Variants in EPHB4 observed in about 807,000 individuals in gnomAD.
EPHB4 encodes the protein ephrin type-B receptor 4.
A neutral mutation model predicts 110.6 loss-of-function variants in EPHB4; 50 were observed. The ratio of observed to expected loss-of-function variants is 0.45; its 90% CI spans 0.36 to 0.57. The LOEUF (loss-of-function observed/expected upper bound fraction) is 0.57. Ranked by LOEUF, EPHB4 falls within the 20% of genes least tolerant of loss-of-function variation. The probability of loss-of-function intolerance (pLI) is 0.00; values close to 1 mark genes in which losing one functional copy is unlikely to be tolerated. For synonymous variants in EPHB4, 592 were observed against 578.4 expected, an observed-to-expected ratio of 1.02 and a Z score of -0.34; for missense variants, 1,128 against 1,382.1, an observed-to-expected ratio of 0.82 and a Z score of 2.91.
chr7:100,824,614 C>T (rs1321400184), intron 1 of EPHB4: 7 of 241,144 alleles, frequency 2.9e-5, no homozygotes, highest in East Asian at 9.6e-5. Flanking sequence ...CTGACCCCCA[C>T]GAGCAGAGGC....
Position 100,813,160 on chromosome 7 carries a change from G to T in EPHB4, c.1805C>A (p.Ala602Asp). 6.2e-7 allele frequency: 1 copy of T among 1,609,686 alleles called. No individual in the cohort carries two copies. The change falls in exon 11 of 17, where the codon GCT becomes GAT. Residue 602 changes from alanine to aspartate, a missense_variant. By Grantham distance (126) the Ala-to-Asp change is moderately radical. Transcript: ENST00000358173. ...GATCTCTTTTGCAAATTCCCTCACA[G>T]CCTCATTAGGGTCTTCATAAGTGAA... ...DPFTYEDPNE[A>D]VREFAKEIDV...
At chr7:100,817,128 G>A (rs900885053) in intron 8 of EPHB4, 64 bp downstream of exon 8, 12 of 1,392,288 alleles carry the variant, frequency 8.6e-6, no homozygotes, top group Middle Eastern at 2.0e-4. Flanking sequence ...TGGAGACCTG[G>A]GGTCTTCCCA....
intron 12 of EPHB4, among the ~76,000 whole-genome samples, chr7:100,811,116 G>C (rs928278615): frequency 4.6e-5 from 5 of 107,534 alleles, no homozygotes; most frequent in Non-Finnish European, 1.2e-4. Flanking sequence ...TGGGTATGGT[G>C]GTGCATGCCA....
At chr7:100,815,891 G>A (rs1813054705) in intron 8 of EPHB4, among the ~76,000 whole-genome samples, 1 of 152,204 alleles carries the variant, frequency 6.6e-6, no homozygotes, top group Non-Finnish European at 1.5e-5. Context: ...GGGAGGCTAA[G>A]GTGGAAGGAT....
chr7:100,803,885 C>T (rs777017637), intron 16 of EPHB4, among the ~76,000 whole-genome samples: 12 of 152,062 alleles, frequency 7.9e-5, no homozygotes, highest in Non-Finnish European at 1.6e-4. Flanking sequence ...GGGGAAGAGG[C>T]TGCACAGATT....
intron 12 of EPHB4, among the ~76,000 whole-genome samples, chr7:100,808,643 C>T (rs941734608): frequency 3.3e-5 from 5 of 152,156 alleles, no homozygotes; most frequent in African/African-American, 7.2e-5. Flanking sequence ...GACCAATGAT[C>T]GGTGCAAAAA....
In EPHB4 at chr7:100,827,004, C is replaced by A; in HGVS notation, c.27G>T (p.Trp9Cys). Residue 9 changes from tryptophan to cysteine, a missense_variant, in exon 1 of 17, where the codon TGG becomes TGT. Around this residue, in one of 3 missense-constraint regions of EPHB4, gnomAD observed 728 missense variants for 828.6 expected, o/e 0.88. Transcript: ENST00000358173. ...CTTCCAAAGCTGCGGCCAACGAAGC[C>A]CAGCAGAGCAGCACCCGGAGCTCCA... MELRVLLC[W>C]ASLAAALEET... 6.3e-7 allele frequency: 1 copy of A among 1,580,738 alleles called. No individual in the cohort carries two copies. The highest frequency in any genetic ancestry group is 2.4e-5 in the East Asian group (1 of 42,396).
At chr7:100,815,443 A>T (rs1307472305) in intron 8 of EPHB4, among the ~76,000 whole-genome samples, 1 of 152,236 alleles carries the variant, frequency 6.6e-6, no homozygotes, top group Non-Finnish European at 1.5e-5. Flanking sequence ...GGAAGATTTC[A>T]AGACAGAAAG....
chr7:100,803,394 C>CT lies in EPHB4; in HGVS notation c.*66dup. 2 of 1,440,614 alleles carry CT rather than the reference C, an allele frequency of 1.4e-6. No homozygotes were observed. The highest frequency in any genetic ancestry group is 1.8e-6 in the Non-Finnish European group (2 of 1,081,446). 89.2% of individuals were successfully genotyped at this position (1,440,614 alleles called of 1,614,324 possible). A position where few individuals can be genotyped will look rare whatever the true frequency, so the allele number is the denominator to read the frequency against. On this transcript the variant is annotated 3_prime_UTR_variant, in exon 17 of 17. Transcript: ENST00000358173. ...CAGCGGGGCACAGGGCTGGGGGCCT[C>CT]TGTGAGTCCCCACTCTGCCCCGGAA... is the stretch of plus-strand genomic sequence containing the variant.
chr7:100,815,592 G>A (rs886135156), intron 8 of EPHB4, among the ~76,000 whole-genome samples: 1 of 152,170 alleles, frequency 6.6e-6, no homozygotes, highest in Non-Finnish European at 1.5e-5. Context: ...TTCTGTGAAT[G>A]TATCAAAAGT....
At chr7:100,824,029 G>A in intron 2 of EPHB4, 98 bp from the exon 3 acceptor site, 1 of 1,511,396 alleles carries the variant, frequency 6.6e-7, no homozygotes, top group Non-Finnish European at 8.9e-7. Flanking sequence ...GAGAAAGGGG[G>A]GCTGCTGGTA....
At chr7:100,824,876 C>T (rs1208193574) in intron 1 of EPHB4, 1 of 152,674 alleles carries the variant, frequency 6.5e-6, no homozygotes, top group Non-Finnish European at 1.5e-5. Context: ...GCTAGGGTTC[C>T]CAGGCTCCCG....
chr7:100,819,669 C>A lies in EPHB4; in HGVS notation c.1185G>T (p.Gly395=). The change falls in exon 6 of 17, where the codon GGG becomes GGT. Residue 395 remains glycine (G), a synonymous_variant. Transcript: ENST00000358173. ...AGGTATAGGTGAAGTCAGGACGTAG[C>A]CCTCGAACCACCACCCAGGGCTCCA... is the stretch of plus-strand genomic sequence containing the variant. ...DLVEPWVVVR[G]LRPDFTYTFE... is the part of the protein sequence containing the mutation. The A allele has an allele frequency of 1.2e-6, 2 of 1,613,854 alleles. No homozygotes were observed. Among genetic ancestry groups the A allele is most frequent in the South Asian group, 1.1e-5 (1 of 91,060 alleles).
intron 1 of EPHB4, among the ~76,000 whole-genome samples, chr7:100,826,197 G>A (rs1813390931): frequency 6.6e-6 from 1 of 152,212 alleles, no homozygotes; most frequent in African/African-American, 2.4e-5. Context: ...GCGATCCATG[G>A]CCAAAGAAAT....
chr7:100,814,202 C>G, intron 8 of EPHB4, 181 bp from the exon 9 acceptor site: 1 of 582,748 alleles, frequency 1.7e-6, no homozygotes, highest in East Asian at 2.9e-5. Flanking sequence ...AACTCTCCCC[C>G]AGGGGCCAGC....
chr7:100,817,809 C>G (rs1813114478), intron 7 of EPHB4, among the ~76,000 whole-genome samples: 1 of 148,248 alleles, frequency 6.7e-6, no homozygotes, highest in Admixed American at 6.8e-5. Flanking sequence ...GGATTACAGG[C>G]ATGAGCCACT....
rs758961867 is a variant in EPHB4 at position 100,820,266 on chromosome 7, G to C, written c.839C>G (p.Ser280Ter). The change falls in exon 5 of 17, where the codon TCA becomes TGA. Residue 280 changes from serine to a stop codon, truncating the protein, a stop_gained. Coordinates refer to ENST00000358173, the MANE Select transcript of EPHB4 (RefSeq NM_004444.5). LOFTEE classifies it high-confidence loss of function. The part of the protein sequence containing the change: ...ACAQGTFKPL[S>*]GEGSCQPCPA... ...GCATGGCTGGCAGGACCCTTCTCCT[G>C]ACAGGGGCTTGAAGGTGCCCTGGGC... is the stretch of plus-strand genomic sequence containing the variant. The C allele has an allele frequency of 6.2e-7, 1 of 1,614,026 alleles. No individual in the cohort carries two copies. Among genetic ancestry groups the C allele is most frequent in the Non-Finnish European group, 8.5e-7 (1 of 1,180,000 alleles).
chr7:100,826,899 C>G, intron 1 of EPHB4, 80 bp downstream of exon 1: 1 of 1,490,262 alleles, frequency 6.7e-7, no homozygotes, highest in Non-Finnish European at 9.0e-7. Flanking sequence ...CAGAGGCCGG[C>G]CCCTCCACTC....
chr7:100,806,402 G>A lies in EPHB4; in HGVS notation c.2484+18C>T. 6.2e-7 allele frequency: 1 copy of A among 1,603,930 alleles called. No homozygotes were observed. The highest frequency in any genetic ancestry group is 8.5e-7 in the Non-Finnish European group (1 of 1,174,132). On this transcript the variant is annotated intron_variant, in intron 14 of 16. Transcript: ENST00000358173. Reference sequence around the variant, plus strand: ...GAGAACACTCGAGGAAAGCTTGGTAGGACCACGGGACACTTACGTCCTGAT... The same window carrying A: ...GAGAACACTCGAGGAAAGCTTGGTAAGACCACGGGACACTTACGTCCTGAT...
Sources: gnomAD v4.1 joint callset for allele counts (sites outside exome capture counted in the v4.1 genomes callset) on GRCh38, gnomAD v4.1.1 for gene constraint, gnomAD v4.1.1 regional missense constraint, MANE v1.5 for transcripts, NCBI Gene and HGNC (gene_info 2026-07-23, HGNC 2026-07-21) for gene names.